The following DGCR8 variants were observed in gnomAD, a reference collection of about 807,000 sequenced individuals.
The protein encoded by DGCR8 is DGCR8 microprocessor complex subunit, also known as microprocessor complex subunit DGCR8.
DGCR8 carries 14 observed loss-of-function variants against 78.5 expected under a neutral mutation model. That is an observed-to-expected ratio of 0.18 (90% CI 0.12 to 0.28). The LOEUF (loss-of-function observed/expected upper bound fraction) is 0.28, where lower values mean the gene tolerates loss of function less well. Among genes scored for constraint, DGCR8 ranks in the 10% least tolerant of loss-of-function variants. The pLI, the probability that DGCR8 is intolerant of heterozygous loss-of-function variation, is 1.00. For synonymous variants in DGCR8, 399 were observed against 402.4 expected (o/e 0.99, Z 0.10); for missense variants, 702 against 1,022.5 (o/e 0.69, Z 4.28).
Position 20,086,540 on chromosome 22 carries a change from A to C in DGCR8, c.577A>C (p.Arg193=), listed in dbSNP as rs1045028033. ...DEENELDQEK[R]VEYAVLDELE... is the part of the protein sequence containing the mutation. ...GGAGAATGAGCTGGATCAGGAAAAGAGAGTGGAGTATGCAGTGCTCGATGA... is the reference window on the plus strand; with the variant it reads ...GGAGAATGAGCTGGATCAGGAAAAGCGAGTGGAGTATGCAGTGCTCGATGA... The change falls in exon 2 of 14, where the codon AGA becomes CGA. Residue 193 remains arginine, a synonymous_variant. Transcript: ENST00000351989. This position sits in a 1 kb window ranked among gnomAD's most constrained non-coding sequence, Gnocchi z 6.4. The C allele has an allele frequency of 8.1e-6, 13 of 1,614,024 alleles. No individual in the cohort carries two copies. In the East Asian group the frequency reaches 2.0e-4, roughly 25 times the overall value.
At chr22:20,096,184 A>G (rs947094093) in intron 9 of DGCR8, among the ~76,000 whole-genome samples, 5 of 152,242 alleles carry the variant, frequency 3.3e-5, no homozygotes, top group African/African-American at 1.2e-4. Flanking sequence ...AAAGTAAGTT[A>G]CAAAAAGAAT....
In DGCR8 at chr22:20,086,960, G is replaced by T. The variant is rs1465168855; in HGVS notation, c.721-202G>T. The T allele has an allele frequency of 1.3e-6, 1 of 768,884 alleles. No individual in the cohort carries two copies. Among genetic ancestry groups the T allele is most frequent in the Admixed American group, 3.1e-5 (1 of 32,660 alleles). The allele number at this position is 768,884 out of a possible 1,614,324, so 47.6% of individuals were successfully genotyped here. ...CTGCTGAGTTACGCTCCTTGGCAGT[G>T]TGTGCCCCTGGACCAGGTGTGTTGG... On this transcript the variant is annotated intron_variant, in intron 2 of 13. Coordinates refer to ENST00000351989, the MANE Select transcript of DGCR8 (RefSeq NM_022720.7). The surrounding 1 kb of genome is among the most constrained non-coding windows in gnomAD (Gnocchi z 6.4).
In DGCR8 at chr22:20,085,647, TTC is replaced by T; in HGVS notation, c.-277-38_-277-37del. 1.6e-6 allele frequency: 2 copies of T among 1,283,140 alleles called. No homozygotes were observed. The highest frequency in any genetic ancestry group is 2.0e-6 in the Non-Finnish European group (2 of 1,018,840). The allele number at this position is 1,283,140 out of a possible 1,614,324, so 79.5% of individuals were successfully genotyped here. A position where few individuals can be genotyped will look rare whatever the true frequency, so the allele number is the denominator to read the frequency against. On this transcript the variant is annotated intron_variant, in intron 1 of 13. Coordinates refer to ENST00000351989, the MANE Select transcript of DGCR8 (RefSeq NM_022720.7). The surrounding 1 kb of genome is among the most constrained non-coding windows in gnomAD (Gnocchi z 6.2). ...ACTTGGTACCAGGGAATTGGAAGGT[TTC>T]TGTCATTTTGTGACGATATTTTTAA...
At chr22:20,091,309 C>T in intron 5 of DGCR8, 126 bp from the exon 6 acceptor site, 2 of 932,504 alleles carry the variant, frequency 2.1e-6, no homozygotes, top group Non-Finnish European at 3.3e-6. Flanking sequence ...CTTCCCTCCC[C>T]TTTGAAAGGG....
intron 5 of DGCR8, among the ~76,000 whole-genome samples, 161 bp from the exon 6 acceptor site, chr22:20,091,274 G>T (rs1265843029): frequency 6.6e-6 from 1 of 152,212 alleles, no homozygotes; most frequent in Non-Finnish European, 1.5e-5. Context: ...AATCTGAGCT[G>T]GTGTAGGGAG....
intron 1 of DGCR8, among the ~76,000 whole-genome samples, chr22:20,081,706 ATTTCCAGCCTGGTGT>A (rs1429103225): frequency 1.3e-5 from 2 of 151,950 alleles, no homozygotes; most frequent in African/African-American, 4.8e-5. Flanking sequence ...CTCTCTTCTG[ATTTCCAGCCTGGTGT>A]TTCTGGCCAC....
rs533809442 is a variant in DGCR8 at position 20,106,345 on chromosome 22, T to C, written c.1889+68T>C. The C allele has an allele frequency of 2.7e-5, 37 of 1,348,858 alleles. No homozygotes were observed. The East Asian group carries it at 8.3e-4, about 30-fold the overall frequency. 83.6% of individuals were successfully genotyped at this position (1,348,858 alleles called of 1,614,324 possible). The stretch of plus-strand genomic sequence containing the variant: ...AGCTCCTCTCTGGCGTCTCATATTC[T>C]TGTGGCTGTTTGTCCCAAGGCAGAG... On this transcript the variant is annotated intron_variant, in intron 10 of 13. Coordinates refer to ENST00000351989, the MANE Select transcript of DGCR8 (RefSeq NM_022720.7).
chr22:20,110,969 T>C lies in DGCR8; in HGVS notation c.*861T>C. The C allele has an allele frequency of 2.5e-6, 1 of 394,318 alleles. No individual in the cohort carries two copies. Among genetic ancestry groups the C allele is most frequent in the Non-Finnish European group, 4.5e-6 (1 of 223,916 alleles). 24.4% of individuals were successfully genotyped at this position (394,318 alleles called of 1,614,324 possible). On this transcript the variant is annotated 3_prime_UTR_variant, in exon 14 of 14. Coordinates refer to ENST00000351989, the MANE Select transcript of DGCR8 (RefSeq NM_022720.7). ...GATTTTTAAAGCTTTTGTGATATTTTAGCATTTTGAAAGACTTTCACAGTG... is the reference window on the plus strand; with the variant it reads ...GATTTTTAAAGCTTTTGTGATATTTCAGCATTTTGAAAGACTTTCACAGTG...
At chr22:20,091,765 A>C (rs1299234873) in intron 6 of DGCR8, 104 bp from the exon 7 acceptor site, 2 of 1,484,746 alleles carry the variant, frequency 1.3e-6, no homozygotes, top group Non-Finnish European at 1.9e-6. Context: ...GGGGTCTGCC[A>C]CATTCACGGT....
chr22:20,111,541 T>G lies in DGCR8; in HGVS notation c.*1433T>G, dbSNP rs897696233. ...CTGTCTTGCCTCCTGTCTGCAGCTG[T>G]GAATAGTCATTTGACTGTGACTGTT... On this transcript the variant is annotated 3_prime_UTR_variant, in exon 14 of 14. Transcript: ENST00000351989. 1 of 397,800 alleles carries G rather than the reference T, an allele frequency of 2.5e-6. No individual in the cohort carries two copies. Among genetic ancestry groups the G allele is most frequent in the Non-Finnish European group, 4.4e-6 (1 of 226,020 alleles). 24.6% of individuals were successfully genotyped at this position (397,800 alleles called of 1,614,324 possible). A position where few individuals can be genotyped will look rare whatever the true frequency, so the allele number is the denominator to read the frequency against.
intron 9 of DGCR8, 71 bp downstream of exon 9, chr22:20,094,866 C>A: frequency 7.3e-7 from 1 of 1,377,174 alleles, no homozygotes; most frequent in Non-Finnish European, 1.0e-6. Flanking sequence ...TTAGTGTGAG[C>A]TGGGGGTGTC....
At position 20,101,739 on chromosome 22, in the gene DGCR8, G is replaced by A. The variant is rs188586743; in HGVS notation, c.1789-4438G>A. ...TTTCTATTTGCTGGTCCTCCCTAGC[G>A]AGGCTCTCAGGTTGTGTCCCCGCCC... On this transcript the variant is annotated intron_variant, in intron 9 of 13. Coordinates refer to ENST00000351989, the MANE Select transcript of DGCR8 (RefSeq NM_022720.7). 5.1e-3 allele frequency: 4,983 copies of A among 985,322 alleles called. 8 individuals carry two copies. Among genetic ancestry groups the A allele is most frequent in the Non-Finnish European group, 5.7e-3 (4,756 of 829,918 alleles). The allele number at this position is 985,322 out of a possible 1,614,324, so 61.0% of individuals were successfully genotyped here. A position where few individuals can be genotyped will look rare whatever the true frequency, so the allele number is the denominator to read the frequency against.
chr22:20,101,679 T>G, intron 9 of DGCR8: 4 of 985,386 alleles, frequency 4.1e-6, no homozygotes, highest in Non-Finnish European at 3.6e-6. Flanking sequence ...GTGGGGGTGT[T>G]TAGACAGGGG....
At position 20,086,905 on chromosome 22, in the gene DGCR8, T is replaced by G. The variant is rs2049491597; in HGVS notation, c.720+222T>G. On this transcript the variant is annotated intron_variant, in intron 2 of 13. Transcript: ENST00000351989. The surrounding 1 kb of genome is among the most constrained non-coding windows in gnomAD (Gnocchi z 6.4). ...GTTTGGCCCATGGGTAGGCCCTGCA[T>G]CCCTGATCTAGCGCGTGGGGCAGCA... 2.7e-6 allele frequency: 2 copies of G among 741,034 alleles called. No homozygotes were observed. The highest frequency in any genetic ancestry group is 4.2e-6 in the Non-Finnish European group (2 of 471,320). 45.9% of individuals were successfully genotyped at this position (741,034 alleles called of 1,614,324 possible).
At position 20,087,351 on chromosome 22, in the gene DGCR8, T is replaced by C; in HGVS notation, c.880+30T>C. 1 of 1,572,582 alleles carries C rather than the reference T, an allele frequency of 6.4e-7. No homozygotes were observed. The highest frequency in any genetic ancestry group is 1.4e-5 in the African/African-American group (1 of 73,838). ...GTGTGTGGGTCAGAAGCAGTGGGTGTTCCAGGGCAGTGGAGGGGTGGTTGC... is the reference window on the plus strand; with the variant it reads ...GTGTGTGGGTCAGAAGCAGTGGGTGCTCCAGGGCAGTGGAGGGGTGGTTGC... On this transcript the variant is annotated intron_variant, in intron 3 of 13. Transcript: ENST00000351989. The surrounding 1 kb of genome is among the most constrained non-coding windows in gnomAD (Gnocchi z 4.1).
In DGCR8 at chr22:20,107,724, C is replaced by G. The variant is rs2049787309; in HGVS notation, c.2124+326C>G. On this transcript the variant is annotated intron_variant, in intron 12 of 13. Coordinates refer to ENST00000351989, the MANE Select transcript of DGCR8 (RefSeq NM_022720.7). ...AAGGTGCGCCCGGCTCGGAGGTGTG[C>G]AAAGGCTCAGGAGCCAGGGCCAGCT... 8 of 345,682 alleles carry G rather than the reference C, an allele frequency of 2.3e-5. No homozygotes were observed. In the Admixed American group the frequency reaches 3.3e-4, roughly 14 times the overall value. 21.4% of individuals were successfully genotyped at this position (345,682 alleles called of 1,614,324 possible).
intron 5 of DGCR8, 105 bp downstream of exon 5, chr22:20,090,363 C>T: frequency 7.5e-7 from 1 of 1,335,192 alleles, no homozygotes; most frequent in Non-Finnish European, 1.0e-6. Flanking sequence ...TACTTGTGAG[C>T]AAGGGGCTGT....
chr22:20,105,506 T>C (rs2049759004), intron 9 of DGCR8, among the ~76,000 whole-genome samples: 1 of 152,252 alleles, frequency 6.6e-6, no homozygotes, highest in Non-Finnish European at 1.5e-5. Flanking sequence ...GAAGGCACAG[T>C]GGGCAATGTC....
Position 20,111,481 on chromosome 22 carries a change from C to T in DGCR8, c.*1373C>T, listed in dbSNP as rs1430803062. ...TTCTGTTGACCTTTAAAAAAGAAAC[C>T]CTCAACTCAAATTGCTATAATTAGA... On this transcript the variant is annotated 3_prime_UTR_variant, in exon 14 of 14. Transcript: ENST00000351989. The T allele has an allele frequency of 7.5e-6, 3 of 398,158 alleles. No homozygotes were observed. Among genetic ancestry groups the T allele is most frequent in the Non-Finnish European group, 8.8e-6 (2 of 226,020 alleles). 24.7% of individuals were successfully genotyped at this position (398,158 alleles called of 1,614,324 possible).
Sources: allele counts gnomAD v4.1 joint callset (sites outside exome capture counted in the v4.1 genomes callset), GRCh38; gene constraint gnomAD v4.1.1; non-coding constraint Gnocchi (gnomAD v3.1); transcripts MANE v1.5; gene names NCBI Gene and HGNC (gene_info 2026-07-23, HGNC 2026-07-21).